Variants in RAB27A observed in about 807,000 individuals in gnomAD.
RAB27A encodes ras-related protein Rab-27A.
In RAB27A, 17 loss-of-function variants were observed where a neutral mutation model predicts 20.8. The ratio of observed to expected loss-of-function variants is 0.82; its 90% CI spans 0.56 to 1.23. The LOEUF (loss-of-function observed/expected upper bound fraction) is 1.23, where lower values mean the gene tolerates loss of function less well. Ranked by LOEUF, RAB27A falls within the 50% of genes most tolerant of loss-of-function variation. The pLI, the probability that RAB27A is intolerant of heterozygous loss-of-function variation, is 0.00. For synonymous variants in RAB27A, 85 were observed against 92.8 expected, an observed-to-expected ratio of 0.92 and a Z score of 0.48; for missense variants, 277 against 266.7, an observed-to-expected ratio of 1.04 and a Z score of -0.27.
chr15:55,212,666 A>G (rs1206728368), intron 6 of RAB27A, among the ~76,000 whole-genome samples: 1 of 151,588 alleles, frequency 6.6e-6, no homozygotes, highest in African/African-American at 2.4e-5. Flanking sequence ...AGTAGCTGGG[A>G]TTACAGGCGG....
At chr15:55,247,176 GAAGGTAGAACATCTGC>G (rs1896719662) in intron 2 of RAB27A, among the ~76,000 whole-genome samples, 1 of 152,108 alleles carries the variant, frequency 6.6e-6, no homozygotes, top group Non-Finnish European at 1.5e-5. Context: ...AAGCTACCTG[GAAGGTAGAACATCTGC>G]AAGTCCAACT....
At chr15:55,296,339 T>G (rs2054949492) in intron 2 of RAB27A, among the ~76,000 whole-genome samples, 1 of 151,492 alleles carries the variant, frequency 6.6e-6, no homozygotes, top group African/African-American at 2.4e-5. Context: ...CTACTAAAAA[T>G]ACAAAAATTA....
intron 2 of RAB27A, chr15:55,238,253 G>A (rs576759979): frequency 2.6e-5 from 4 of 152,186 alleles, no homozygotes; most frequent in Admixed American, 2.6e-4. Context: ...TGATTTGCAC[G>A]ATCTAGAATC....
chr15:55,302,956 G>C (rs1190889771), intron 2 of RAB27A, among the ~76,000 whole-genome samples: 2 of 125,342 alleles, frequency 1.6e-5, no homozygotes, highest in East Asian at 3.3e-4. Context: ...ATCTCCGCCC[G>C]GCAGCCACCC....
intron 6 of RAB27A, among the ~76,000 whole-genome samples, chr15:55,209,604 C>A (rs889569587): frequency 6.6e-6 from 1 of 151,790 alleles, no homozygotes; most frequent in African/African-American, 2.4e-5. Flanking sequence ...CATGGGAGTA[C>A]AGAGAGCAAA....
At chr15:55,254,100 A>C (rs1387636267) in intron 2 of RAB27A, among the ~76,000 whole-genome samples, 1 of 152,238 alleles carries the variant, frequency 6.6e-6, no homozygotes, top group Non-Finnish European at 1.5e-5. Context: ...CAATCTCATA[A>C]TTCTACAATC....
chr15:55,301,970 G>A (rs940593536), intron 2 of RAB27A, among the ~76,000 whole-genome samples: 2 of 151,798 alleles, frequency 1.3e-5, no homozygotes, highest in African/African-American at 4.8e-5. Context: ...TAATCCCCAC[G>A]GCCGGGGGCA....
upstream of RAB27A, among the ~76,000 whole-genome samples, chr15:55,294,169 T>C (rs1041227806): frequency 2.0e-5 from 3 of 151,818 alleles, no homozygotes; most frequent in African/African-American, 2.4e-5. Flanking sequence ...TAAAGACATA[T>C]AGATAAGTGG....
intron 1 of RAB27A, among the ~76,000 whole-genome samples, chr15:55,283,810 T>G (rs970983468): frequency 1.2e-4 from 19 of 152,198 alleles, no homozygotes; most frequent in African/African-American, 4.6e-4. Context: ...TTATTAGGGC[T>G]AGTACAGCAA....
chr15:55,215,784 A>G (rs1296626256), intron 6 of RAB27A, among the ~76,000 whole-genome samples: 1 of 151,590 alleles, frequency 6.6e-6, no homozygotes, highest in Non-Finnish European at 1.5e-5. Context: ...CGTCTCTACT[A>G]AAAATACAAA....
intron 1 of RAB27A, among the ~76,000 whole-genome samples, chr15:55,315,730 T>C (rs148143784): frequency 1.7e-3 from 252 of 152,166 alleles, no homozygotes; most frequent in African/African-American, 5.5e-3. Flanking sequence ...GTTAGAATGG[T>C]GATCATTAAA....
At chr15:55,283,676 T>C (rs1000926634) in intron 1 of RAB27A, among the ~76,000 whole-genome samples, 1 of 152,362 alleles carries the variant, frequency 6.6e-6, no homozygotes, top group Admixed American at 6.5e-5. Context: ...ACTATTTTCA[T>C]AATGATTTCT....
At chr15:55,274,172 G>A (rs574828939) in intron 1 of RAB27A, among the ~76,000 whole-genome samples, 65 of 152,138 alleles carry the variant, frequency 4.3e-4, no homozygotes, top group African/African-American at 1.4e-3. Context: ...AAATCAAAAG[G>A]AATTTTTTTT....
upstream of RAB27A, among the ~76,000 whole-genome samples, chr15:55,293,924 A>G (rs11639453): frequency 0.12 from 18,354 of 152,132 alleles, 1,887 homozygotes; most frequent in East Asian, 0.55. Context: ...GATAAAAAAA[A>G]AAGAAAAGAA....
chr15:55,300,188 C>T (rs1237379290), intron 2 of RAB27A, among the ~76,000 whole-genome samples: 3 of 152,046 alleles, frequency 2.0e-5, no homozygotes, highest in Non-Finnish European at 4.4e-5. Context: ...GAATGAAATA[C>T]TCAGGAACAA....
intron 6 of RAB27A, among the ~76,000 whole-genome samples, chr15:55,215,937 C>T (rs1440353977): frequency 1.5e-5 from 2 of 130,102 alleles, no homozygotes; most frequent in Non-Finnish European, 3.2e-5. Flanking sequence ...CAGAGGGAGA[C>T]GCCGTCTCAA....
intron 2 of RAB27A, among the ~76,000 whole-genome samples, chr15:55,241,624 A>ATATATG (rs377301086): frequency 0.015 from 1,763 of 117,608 alleles, 31 homozygotes; most frequent in Middle Eastern, 0.069. Flanking sequence ...ATATATATAT[A>ATATATG]TGTGTGTATA....
At chr15:55,299,388 G>A (rs2054962306) in intron 2 of RAB27A, among the ~76,000 whole-genome samples, 1 of 152,150 alleles carries the variant, frequency 6.6e-6, no homozygotes. Context: ...GAGGTCAGGA[G>A]TTCAACACCA....
At chr15:55,281,197 A>C (rs1898007513) in intron 1 of RAB27A, among the ~76,000 whole-genome samples, 1 of 152,148 alleles carries the variant, frequency 6.6e-6, no homozygotes, top group African/African-American at 2.4e-5. Context: ...TAACATGGTA[A>C]TCTTTCTCCA....
Sources: allele counts gnomAD v4.1 joint callset (sites outside exome capture counted in the v4.1 genomes callset), GRCh38; gene constraint gnomAD v4.1.1; transcripts MANE v1.5; gene names NCBI Gene and HGNC (gene_info 2026-07-23, HGNC 2026-07-21).